The following TRPM3 variants were observed in gnomAD, a reference collection of about 807,000 sequenced individuals.
TRPM3 encodes the protein transient receptor potential cation channel subfamily M member 3.
In TRPM3, 77 loss-of-function variants were observed where a neutral mutation model predicts 181.2. The observed-to-expected ratio is 0.42, with a 90% CI of 0.35 to 0.51. The LOEUF (loss-of-function observed/expected upper bound fraction) is 0.51, where lower values mean the gene tolerates loss of function less well. Ranked by LOEUF, TRPM3 falls within the 20% of genes least tolerant of loss-of-function variation. The pLI is 0.01. For synonymous variants in TRPM3, 745 were observed against 796.4 expected, an observed-to-expected ratio of 0.94 and a Z score of 1.09; for missense variants, 1,759 against 2,196.7, an observed-to-expected ratio of 0.80 and a Z score of 3.98.
intron 1 of TRPM3, among the ~76,000 whole-genome samples, chr9:71,028,305 C>T (rs2134623839): frequency 6.6e-6 from 1 of 152,160 alleles, no homozygotes; most frequent in Admixed American, 6.5e-5. Context: ...CGTATAAGAG[C>T]CCCTGAAAGA....
Position 71,365,103 on chromosome 9 carries a change from G to A in TRPM3, c.183+81550C>T, listed in dbSNP as rs75772613. Among the ~76,000 whole-genome samples, 390 of 152,226 alleles carry A rather than the reference G, an allele frequency of 2.6e-3. 3 individuals carry two copies. The highest frequency in any genetic ancestry group is 8.7e-3 in the African/African-American group (363 of 41,548). ...TAAGCTAACTGACAAGGACTTAAGC[G>A]CAGCAAAGCCAATTTCTCTTTTAGT... is the stretch of plus-strand genomic sequence containing the variant. On this transcript the variant is annotated intron_variant, in intron 1 of 24. Coordinates refer to the TRPM3 transcript ENST00000357533.
chr9:70,747,607 T>C (rs796908685), intron 8 of TRPM3, among the ~76,000 whole-genome samples: 53 of 152,240 alleles, frequency 3.5e-4, no homozygotes, highest in African/African-American at 1.1e-3. Flanking sequence ...ATTTGTTTTA[T>C]GGTCTGTTTT....
intron 1 of TRPM3, among the ~76,000 whole-genome samples, chr9:70,955,181 C>CG (rs1440686419): frequency 3.3e-5 from 5 of 151,664 alleles, no homozygotes; most frequent in Non-Finnish European, 7.4e-5. Context: ...CTTTGAGAGA[C>CG]GAAAAAAAAG....
chr9:71,382,492 G>C (rs2132880208), intron 1 of TRPM3, among the ~76,000 whole-genome samples: 1 of 152,148 alleles, frequency 6.6e-6, no homozygotes, highest in South Asian at 2.1e-4. Context: ...ATTTACAATT[G>C]AATATAAATA....
rs148503485 is a variant in TRPM3 at position 71,432,508 on chromosome 9, T to C, written c.183+14145A>G. 2.4e-3 allele frequency among the ~76,000 whole-genome samples: 227 copies of C among 93,040 alleles called. 2 individuals are homozygous for C. The highest frequency in any genetic ancestry group is 5.4e-3 in the African/African-American group (216 of 39,980). 61.0% of individuals were successfully genotyped at this position (93,040 alleles called of 152,430 possible). ...GAACCTTCAAAGCAATGAGCTCTTT[T>C]TGTAGCTGTAAACCAGATCATTCTC... On this transcript the variant is annotated intron_variant, in intron 1 of 24. Coordinates refer to the TRPM3 transcript ENST00000357533.
In TRPM3 at chr9:71,300,783, T is replaced by C. The variant is rs191314281; in HGVS notation, c.183+145870A>G. 1.8e-4 allele frequency among the ~76,000 whole-genome samples: 28 copies of C among 152,294 alleles called. No individual in the cohort carries two copies. In the East Asian group the frequency reaches 5.4e-3, roughly 29 times the overall value. ...AGATGATCTATTTCAAATGTGATTT[T>C]AAATTCTGAAATGGGAAAAATCTTC... On this transcript the variant is annotated intron_variant, in intron 1 of 24. Coordinates refer to the TRPM3 transcript ENST00000357533.
intron 1 of TRPM3, among the ~76,000 whole-genome samples, chr9:71,143,371 G>A (rs1205438777): frequency 6.6e-6 from 1 of 152,054 alleles, no homozygotes; most frequent in Non-Finnish European, 1.5e-5. Context: ...CCCAGTGGGT[G>A]TTGTTCCTCT....
At chr9:70,764,513 A>G (rs1228525510) in intron 7 of TRPM3, among the ~76,000 whole-genome samples, 1 of 152,180 alleles carries the variant, frequency 6.6e-6, no homozygotes, top group Admixed American at 6.5e-5. Context: ...CTTTCTAAAA[A>G]TTGAGGAATG....
At chr9:70,912,507 T>G (rs908051487) in intron 1 of TRPM3, among the ~76,000 whole-genome samples, 1 of 152,210 alleles carries the variant, frequency 6.6e-6, no homozygotes, top group Non-Finnish European at 1.5e-5. Flanking sequence ...TTAGAATTAT[T>G]CTTAGCCTAG....
chr9:70,925,709 T>C, intron 1 of TRPM3, among the ~76,000 whole-genome samples: 1 of 152,020 alleles, frequency 6.6e-6, no homozygotes, highest in African/African-American at 2.4e-5. Flanking sequence ...AGTGACTCAT[T>C]TTCCAAAATA....
At chr9:71,235,646 C>T (rs566220203) in intron 1 of TRPM3, among the ~76,000 whole-genome samples, 26 of 152,244 alleles carry the variant, frequency 1.7e-4, no homozygotes, top group Middle Eastern at 6.8e-3. Flanking sequence ...GATATAATTT[C>T]AGTAAATTGC....
intron 1 of TRPM3, among the ~76,000 whole-genome samples, chr9:70,875,276 G>A (rs2095851132): frequency 6.6e-6 from 1 of 151,854 alleles, no homozygotes; most frequent in African/African-American, 2.4e-5. Flanking sequence ...CTGGGAATCA[G>A]CTTTATTGTT....
intron 6 of TRPM3, among the ~76,000 whole-genome samples, chr9:70,807,320 T>A (rs2090916479): frequency 6.6e-6 from 1 of 152,186 alleles, no homozygotes; most frequent in Admixed American, 6.5e-5. Flanking sequence ...ATATAAATGA[T>A]TTACAACAAT....
intron 22 of TRPM3, among the ~76,000 whole-genome samples, chr9:70,585,498 A>T (rs900079234): frequency 2.6e-5 from 4 of 152,024 alleles, no homozygotes; most frequent in African/African-American, 9.7e-5. Context: ...GAAACCTCAA[A>T]CTCAATTCAA....
At chr9:70,700,028 G>C (rs1390241682) in intron 8 of TRPM3, among the ~76,000 whole-genome samples, 1 of 152,142 alleles carries the variant, frequency 6.6e-6, no homozygotes, top group Non-Finnish European at 1.5e-5. Flanking sequence ...TGTTGCCCAG[G>C]CTGGAGTGTA....
chr9:70,694,176 G>T (rs1355509382), intron 8 of TRPM3, among the ~76,000 whole-genome samples: 3 of 152,174 alleles, frequency 2.0e-5, no homozygotes, highest in East Asian at 1.9e-4. Flanking sequence ...AGTTTCCTGG[G>T]TTTTTTTTGT....
rs1201067408 is a variant in TRPM3, at chr9:71,342,253, G to GCT, written c.183+104399_183+104400insAG. Among the ~76,000 whole-genome samples the GCT allele has an allele frequency of 1.3e-4, 3 of 23,448 alleles. No individual in the cohort carries two copies. In the Admixed American group the frequency reaches 1.8e-3, roughly 14 times the overall value. 15.4% of individuals were successfully genotyped at this position (23,448 alleles called of 152,430 possible). Reference sequence around the variant, plus strand: ...AAGAAATTGGTGATATCTTTAAATAGGTGTATATATATATATAAATAAATA... The same window carrying GCT: ...AAGAAATTGGTGATATCTTTAAATAGCTGTGTATATATATATATAAATAAATA... On this transcript the variant is annotated intron_variant, in intron 1 of 24. Coordinates refer to the TRPM3 transcript ENST00000357533.
At position 71,266,643 on chromosome 9, in the gene TRPM3, G is replaced by A. The variant is rs959056346; in HGVS notation, c.183+180010C>T. Among the ~76,000 whole-genome samples the A allele has an allele frequency of 4.4e-4, 67 of 151,910 alleles. 2 individuals are homozygous for A. The highest frequency in any genetic ancestry group is 3.1e-3 in the Admixed American group (47 of 15,224). ...GTAAGAATACTGAACATGAGATATC[G>A]CTGACAAAATTGCATGTGTATAATA... is the stretch of plus-strand genomic sequence containing the variant. On this transcript the variant is annotated intron_variant, in intron 1 of 24. Transcript: ENST00000357533.
At chr9:70,636,599 C>G (rs2057241838) in intron 11 of TRPM3, among the ~76,000 whole-genome samples, 1 of 151,362 alleles carries the variant, frequency 6.6e-6, no homozygotes, top group African/African-American at 2.4e-5. Flanking sequence ...ACAAAATTGT[C>G]TGTTGTTAAT....
Sources: allele counts gnomAD v4.1 joint callset (sites outside exome capture counted in the v4.1 genomes callset), GRCh38; gene constraint gnomAD v4.1.1; transcripts MANE v1.5; gene names NCBI Gene and HGNC (gene_info 2026-07-23, HGNC 2026-07-21).